SPAG7: variants seen among roughly 807,000 people sequenced by gnomAD.
SPAG7 encodes sperm associated antigen 7.
Under a neutral mutation model 30.6 loss-of-function variants are expected in SPAG7, and 20 were observed. That is an observed-to-expected ratio of 0.65 (90% CI 0.46 to 0.95). The LOEUF is 0.95. Among genes scored for constraint, SPAG7 ranks in the 40% least tolerant of loss-of-function variants. The pLI is 0.00. For missense variants in SPAG7, 276 were observed against 291.1 expected (o/e 0.95, Z 0.38); for synonymous variants, 127 against 104.2 (o/e 1.22, Z -1.33).
chr17:4,966,533 C>T, intron 1 of SPAG7: 1 of 954,514 alleles, frequency 1.0e-6, no homozygotes, highest in Non-Finnish European at 1.2e-6. Context: ...ATGCTTCCTC[C>T]TTTCTCAGAG....
chr17:4,960,410 G>A (rs777427337), intron 3 of SPAG7, 49 bp downstream of exon 3: 120 of 1,593,726 alleles, frequency 7.5e-5, no homozygotes, highest in Non-Finnish European at 9.9e-5. Flanking sequence ...GCCCTTTCAT[G>A]CCCCGCTAGC....
rs750918890 is a variant in SPAG7, at chr17:4,959,625, C to G, written c.593G>C (p.Arg198Thr). 4 of 1,614,146 alleles carry G rather than the reference C, an allele frequency of 2.5e-6. No homozygotes were observed. In the East Asian group the frequency reaches 8.9e-5, roughly 36 times the overall value. ...TYGCVPVANK[R>T]DTRSIEEAMN... ...AGCCTCTTCAATGGAGCGTGTGTCC[C>G]TCTTATTGGCCACGGGCACTAGGGG... The change falls in exon 7 of 7, where the codon AGG becomes ACG. Residue 198 changes from arginine (R) to threonine (T), a missense_variant. Physicochemically the swap from Arg to Thr is moderately conservative, Grantham distance 71. Transcript: ENST00000206020.
chr17:4,960,901 G>C, intron 1 of SPAG7, 48 bp from the exon 2 acceptor site: 1 of 1,565,014 alleles, frequency 6.4e-7, no homozygotes, highest in Non-Finnish European at 8.8e-7. Flanking sequence ...AAGCATGGGT[G>C]GGAAAGGTTT....
At position 4,959,417 on chromosome 17, in the gene SPAG7, A is replaced by G; in HGVS notation, c.*117T>C. On this transcript the variant is annotated 3_prime_UTR_variant, in exon 7 of 7. Coordinates refer to ENST00000206020, the MANE Select transcript of SPAG7 (RefSeq NM_004890.3). Reference sequence around the variant, plus strand: ...CACCTGTTTTCCCCCAGCCTGAGGGACAGCTGGTAGGAGGTGGTTCAGAGG... The same window carrying G: ...CACCTGTTTTCCCCCAGCCTGAGGGGCAGCTGGTAGGAGGTGGTTCAGAGG... 1.4e-6 allele frequency: 1 copy of G among 736,876 alleles called. No individual in the cohort carries two copies. Among genetic ancestry groups the G allele is most frequent in the Non-Finnish European group, 2.3e-6 (1 of 429,230 alleles). 45.6% of individuals were successfully genotyped at this position (736,876 alleles called of 1,614,324 possible). A position where few individuals can be genotyped will look rare whatever the true frequency, so the allele number is the denominator to read the frequency against.
chr17:4,967,193 G>A (rs1971972708), intron 1 of SPAG7: 2 of 987,742 alleles, frequency 2.0e-6, no homozygotes, highest in Non-Finnish European at 2.4e-6. Context: ...GGAGGCAGAA[G>A]GGACTGGGTT....
In SPAG7 at chr17:4,967,719, C is replaced by T; in HGVS notation, c.85+1G>A. 1.9e-6 allele frequency: 3 copies of T among 1,612,878 alleles called. No homozygotes were observed. Among genetic ancestry groups the T allele is most frequent in the Non-Finnish European group, 2.5e-6 (3 of 1,178,896 alleles). ...GGCGGTTGTGAATTTGGGATCCTCA[C>T]CTCGGGCCTTGCGCCGAGTCTCCTG... On this transcript the variant is annotated splice_donor_variant, in intron 1 of 6. Transcript: ENST00000206020. LOFTEE classifies it high-confidence loss of function.
At position 4,960,504 on chromosome 17, in the gene SPAG7, A is replaced by T; in HGVS notation, c.197T>A (p.Ile66Asn). Reference protein sequence around the residue: ...VSDFIQDSGQIKKKFQPMNKI... With the variant: ...VSDFIQDSGQNKKKFQPMNKI... ...GTTCATTGGCTGAAACTTTTTCTTG[A>T]TCTGCCCACTGTCTTGAATGAAATC... The change falls in exon 3 of 7, where the codon ATC (isoleucine) becomes AAC (asparagine). Residue 66 changes from isoleucine to asparagine, a missense_variant. Physicochemically the swap from Ile to Asn is moderately radical, Grantham distance 149 (BLOSUM62 -3). Coordinates refer to ENST00000206020, the MANE Select transcript of SPAG7 (RefSeq NM_004890.3). 1 of 1,603,176 alleles carries T rather than the reference A, an allele frequency of 6.2e-7. No individual in the cohort carries two copies. The highest frequency in any genetic ancestry group is 1.1e-5 in the South Asian group (1 of 89,150).
rs762704915 is a variant in SPAG7, at chr17:4,960,447, A to AG, written c.242+11dup. On this transcript the variant is annotated intron_variant, in intron 3 of 6. Transcript: ENST00000206020. ...ACCCATTTCCTTCCTCCCCCAGCCC[A>AG]GGGACACTCACAGTATGCTCCTCTC... 1 of 1,607,856 alleles carries AG rather than the reference A, an allele frequency of 6.2e-7. No individual in the cohort carries two copies. The highest frequency in any genetic ancestry group is 1.1e-5 in the South Asian group (1 of 90,780).
intron 1 of SPAG7, among the ~76,000 whole-genome samples, chr17:4,962,480 T>C (rs1971878863): frequency 6.6e-6 from 1 of 152,140 alleles, no homozygotes; most frequent in Admixed American, 6.6e-5. Flanking sequence ...CAATCACAGC[T>C]CACTGCAGCC....
At chr17:4,967,154 G>A (rs1971971063) in intron 1 of SPAG7, 1 of 986,400 alleles carries the variant, frequency 1.0e-6, no homozygotes, top group African/African-American at 1.7e-5. Flanking sequence ...GGGAATTTAA[G>A]GCTACGGATG....
At chr17:4,967,079 G>C (rs1209672063) in intron 1 of SPAG7, 1 of 985,690 alleles carries the variant, frequency 1.0e-6, no homozygotes. Context: ...CGGAGACAGT[G>C]GCCAATCGGA....
intron 1 of SPAG7, among the ~76,000 whole-genome samples, chr17:4,964,622 A>T (rs1279805939): frequency 6.6e-6 from 1 of 152,128 alleles, no homozygotes; most frequent in Admixed American, 6.5e-5. Context: ...CGGCCTCCCA[A>T]AGTGCTGGGA....
Position 4,967,064 on chromosome 17 carries a change from G to C in SPAG7, c.85+656C>G, listed in dbSNP as rs560626805. On this transcript the variant is annotated intron_variant, in intron 1 of 6. Coordinates refer to ENST00000206020, the MANE Select transcript of SPAG7 (RefSeq NM_004890.3). ...CCCGCAGGGAAGCTACTCCGAGAAC[G>C]CAGGCGGAGACAGTGGCCAATCGGA... 47 of 985,720 alleles carry C rather than the reference G, an allele frequency of 4.8e-5. No homozygotes were observed. In the South Asian group the frequency reaches 9.3e-4, roughly 20 times the overall value. 61.1% of individuals were successfully genotyped at this position (985,720 alleles called of 1,614,324 possible). A position where few individuals can be genotyped will look rare whatever the true frequency, so the allele number is the denominator to read the frequency against.
chr17:4,964,281 T>C (rs1239739226), intron 1 of SPAG7, among the ~76,000 whole-genome samples: 1 of 152,114 alleles, frequency 6.6e-6, no homozygotes, highest in East Asian at 1.9e-4. Context: ...TCTAGAGATT[T>C]GGGTGCATGC....
intron 1 of SPAG7, among the ~76,000 whole-genome samples, chr17:4,963,497 C>T (rs1486253648): frequency 4.8e-5 from 6 of 123,882 alleles, no homozygotes; most frequent in Non-Finnish European, 9.5e-5. Flanking sequence ...CTCGCTTTGT[C>T]GCCCAGGCTG....
chr17:4,963,572 C>T (rs1971900599), intron 1 of SPAG7, among the ~76,000 whole-genome samples: 1 of 150,258 alleles, frequency 6.7e-6, no homozygotes, highest in Non-Finnish European at 1.5e-5. Flanking sequence ...GATTCTTCTG[C>T]CTCAGCCTCC....
chr17:4,959,383 C>CAAATCAA lies in SPAG7; in HGVS notation c.*144_*150dup. ...GCACATATCCAAGCTCCAACGGTGA[C>CAAATCAA]AAATCAAACACCTGTTTTCCCCCAG... On this transcript the variant is annotated 3_prime_UTR_variant, in exon 7 of 7. Coordinates refer to ENST00000206020, the MANE Select transcript of SPAG7 (RefSeq NM_004890.3). 1.5e-6 allele frequency: 1 copy of CAAATCAA among 646,214 alleles called. No individual in the cohort carries two copies. Among genetic ancestry groups the CAAATCAA allele is most frequent in the Non-Finnish European group, 2.7e-6 (1 of 366,104 alleles). 40.0% of individuals were successfully genotyped at this position (646,214 alleles called of 1,614,324 possible). A position where few individuals can be genotyped will look rare whatever the true frequency, so the allele number is the denominator to read the frequency against.
In SPAG7 at chr17:4,959,378, G is replaced by A. The variant is rs182872861; in HGVS notation, c.*156C>T. ...GCCACGCACATATCCAAGCTCCAAC[G>A]GTGACAAATCAAACACCTGTTTTCC... On this transcript the variant is annotated 3_prime_UTR_variant, in exon 7 of 7. Transcript: ENST00000206020. 528 of 633,728 alleles carry A rather than the reference G, an allele frequency of 8.3e-4. No homozygotes were observed. Among genetic ancestry groups the A allele is most frequent in the Non-Finnish European group, 1.3e-3 (451 of 357,224 alleles). The allele number at this position is 633,728 out of a possible 1,614,324, so 39.3% of individuals were successfully genotyped here.
chr17:4,966,982 G>A (rs1312784579), intron 1 of SPAG7: 3 of 985,480 alleles, frequency 3.0e-6, no homozygotes, highest in African/African-American at 1.7e-5. Flanking sequence ...CAGCCCCGGG[G>A]AGGCTCCCAC....
Sources: allele counts gnomAD v4.1 joint callset (sites outside exome capture counted in the v4.1 genomes callset), GRCh38; gene constraint gnomAD v4.1.1; transcripts MANE v1.5; gene names NCBI Gene and HGNC (gene_info 2026-07-23, HGNC 2026-07-21).